Variants in UNC5D observed in about 807,000 individuals in gnomAD.
UNC5D encodes unc-5 netrin receptor D.
UNC5D carries 39 observed loss-of-function variants against 105.4 expected under a neutral mutation model. The ratio of observed to expected loss-of-function variants is 0.37; its 90% CI spans 0.29 to 0.48. UNC5D has a LOEUF of 0.48. Among genes scored for constraint, UNC5D ranks in the 20% least tolerant of loss-of-function variants. The probability of loss-of-function intolerance (pLI) is 0.98; values close to 1 mark genes in which losing one functional copy is unlikely to be tolerated. For missense variants in UNC5D, 991 were observed against 1,202.4 expected, an observed-to-expected ratio of 0.82 and a Z score of 2.60; for synonymous variants, 452 against 450.4, an observed-to-expected ratio of 1.00 and a Z score of -0.04.
At chr8:35,361,476 G>A (rs758300548) in intron 1 of UNC5D, among the ~76,000 whole-genome samples, 4 of 152,114 alleles carry the variant, frequency 2.6e-5, no homozygotes, top group Admixed American at 6.6e-5. Flanking sequence ...AAGGTCATTC[G>A]TCTAAGTGTC....
chr8:35,633,645 C>A (rs768143876), intron 4 of UNC5D, among the ~76,000 whole-genome samples: 1 of 152,108 alleles, frequency 6.6e-6, no homozygotes, highest in Admixed American at 6.5e-5. Flanking sequence ...ATCCTAGCTA[C>A]TTGGGAGGCT....
intron 1 of UNC5D, among the ~76,000 whole-genome samples, chr8:35,247,455 G>A (rs1461054060): frequency 2.2e-5 from 3 of 138,564 alleles, no homozygotes; most frequent in Non-Finnish European, 3.0e-5. Flanking sequence ...CTTAACATCT[G>A]GATCCTTAAT....
chr8:35,423,607 A>G (rs1806053316), intron 1 of UNC5D, among the ~76,000 whole-genome samples: 2 of 152,288 alleles, frequency 1.3e-5, no homozygotes, highest in South Asian at 4.1e-4. Flanking sequence ...TTGAACTAAT[A>G]CTGTTTTGGC....
In UNC5D at chr8:35,671,687, G is replaced by A. The variant is rs559547631; in HGVS notation, c.571-11860G>A. On this transcript the variant is annotated intron_variant, in intron 4 of 16. Coordinates refer to ENST00000404895, the MANE Select transcript of UNC5D (RefSeq NM_080872.4). ...GCAGTTGTTTTATTATATTAAGCAT[G>A]ATTTTCAAAATGTTTTTCTTCCTTC... Among the ~76,000 whole-genome samples the A allele has an allele frequency of 3.9e-5, 6 of 152,272 alleles. No homozygotes were observed. The East Asian group carries it at 1.2e-3, about 29-fold the overall frequency.
At chr8:35,247,167 A>G (rs899695414) in intron 1 of UNC5D, among the ~76,000 whole-genome samples, 1 of 152,070 alleles carries the variant, frequency 6.6e-6, no homozygotes, top group African/African-American at 2.4e-5. Flanking sequence ...ATTCAAAAGA[A>G]TGATACCAGA....
chr8:35,530,791 A>G (rs1814301385), intron 1 of UNC5D, among the ~76,000 whole-genome samples: 1 of 144,348 alleles, frequency 6.9e-6, no homozygotes, highest in South Asian at 2.2e-4. Flanking sequence ...GTATGTGTCA[A>G]GGAATTTATC....
intron 3 of UNC5D, among the ~76,000 whole-genome samples, chr8:35,586,653 G>A (rs1196719516): frequency 1.3e-5 from 2 of 152,120 alleles, no homozygotes; most frequent in Non-Finnish European, 2.9e-5. Context: ...AGAAATATGG[G>A]TGGCAAAGAT....
chr8:35,378,228 T>G (rs1802814233), intron 1 of UNC5D, among the ~76,000 whole-genome samples: 1 of 152,200 alleles, frequency 6.6e-6, no homozygotes, highest in Non-Finnish European at 1.5e-5. Flanking sequence ...TACCTCTCCT[T>G]TCTAATACAA....
At chr8:35,535,833 T>C (rs1412551085) in intron 1 of UNC5D, among the ~76,000 whole-genome samples, 19 of 152,224 alleles carry the variant, frequency 1.2e-4, no homozygotes, top group Non-Finnish European at 2.8e-4. Context: ...TATCCTATTA[T>C]AGACTGACTG....
At chr8:35,409,223 T>A (rs1804999885) in intron 1 of UNC5D, among the ~76,000 whole-genome samples, 1 of 152,114 alleles carries the variant, frequency 6.6e-6, no homozygotes, top group Admixed American at 6.6e-5. Flanking sequence ...TGGGTTTCTC[T>A]GTGGACATAC....
At chr8:35,325,626 C>T (rs1352140439) in intron 1 of UNC5D, among the ~76,000 whole-genome samples, 1 of 152,110 alleles carries the variant, frequency 6.6e-6, no homozygotes, top group East Asian at 1.9e-4. Context: ...ACATACAATG[C>T]GTTCTATTCT....
chr8:35,241,615 C>T (rs1802810489), intron 1 of UNC5D, among the ~76,000 whole-genome samples: 1 of 151,670 alleles, frequency 6.6e-6, no homozygotes, highest in South Asian at 2.1e-4. Context: ...GGTCAGTATT[C>T]TTCTTATATG....
chr8:35,584,199 AAAG>A (rs529702803), intron 3 of UNC5D, among the ~76,000 whole-genome samples: 24 of 152,316 alleles, frequency 1.6e-4, no homozygotes, highest in Non-Finnish European at 2.9e-4. Context: ...AGGCACAAAA[AAAG>A]AAGCAGGTGG....
Position 35,793,892 on chromosome 8 carries a change from G to A in UNC5D, c.*3329G>A, listed in dbSNP as rs141213071. The A allele has an allele frequency of 6.6e-6, 1 of 152,208 alleles. No individual in the cohort carries two copies. Among genetic ancestry groups the A allele is most frequent in the Non-Finnish European group, 1.5e-5 (1 of 68,004 alleles). The allele number at this position is 152,208 out of a possible 1,614,324, so 9.4% of individuals were successfully genotyped here. A position where few individuals can be genotyped will look rare whatever the true frequency, so the allele number is the denominator to read the frequency against. On this transcript the variant is annotated 3_prime_UTR_variant, in exon 17 of 17. Transcript: ENST00000404895. ...ATTATTATTTTTATCTCCAACTGCA[G>A]GTGGTGTCTTTTGCCAAGGTCTCTG...
chr8:35,284,168 G>GA (rs914779467), intron 1 of UNC5D, among the ~76,000 whole-genome samples: 8 of 152,030 alleles, frequency 5.3e-5, no homozygotes, highest in African/African-American at 9.7e-5. Flanking sequence ...GCTTTTCTCT[G>GA]AAAAAATCAT....
chr8:35,485,963 T>G (rs34924544), intron 1 of UNC5D, among the ~76,000 whole-genome samples: 4,034 of 152,296 alleles, frequency 0.026, 77 homozygotes, highest in Non-Finnish European at 0.038. Context: ...ATCACACCTT[T>G]GCTTTTCTGC....
At chr8:35,695,565 A>G (rs1826706841) in intron 7 of UNC5D, among the ~76,000 whole-genome samples, 1 of 152,022 alleles carries the variant, frequency 6.6e-6, no homozygotes, top group Non-Finnish European at 1.5e-5. Context: ...AACCCTCAAG[A>G]GAAAGGCTCA....
At chr8:35,703,735 T>A (rs1331052421) in intron 7 of UNC5D, among the ~76,000 whole-genome samples, 1 of 152,374 alleles carries the variant, frequency 6.6e-6, no homozygotes, top group Non-Finnish European at 1.5e-5. Context: ...TCCTGTGGTT[T>A]AGAAGGAAGA....
chr8:35,327,232 G>A (rs990271168), intron 1 of UNC5D, among the ~76,000 whole-genome samples: 1 of 152,164 alleles, frequency 6.6e-6, no homozygotes, highest in Admixed American at 6.6e-5. Flanking sequence ...TCAGTGATGA[G>A]CATACAGCTC....
Sources: gnomAD v4.1 joint callset for allele counts (sites outside exome capture counted in the v4.1 genomes callset) on GRCh38, gnomAD v4.1.1 for gene constraint, MANE v1.5 for transcripts, NCBI Gene and HGNC (gene_info 2026-07-23, HGNC 2026-07-21) for gene names.